Variants in MORC1 observed in about 807,000 individuals in gnomAD.
MORC1 encodes MORC family CW-type zinc finger 1.
In MORC1, 59 loss-of-function variants were observed where a neutral mutation model predicts 134.9. The ratio of observed to expected loss-of-function variants is 0.44; its 90% CI spans 0.35 to 0.54. The LOEUF (loss-of-function observed/expected upper bound fraction) is 0.54, where lower values mean the gene tolerates loss of function less well. Among genes scored for constraint, MORC1 ranks in the 20% least tolerant of loss-of-function variants. The pLI is 0.00. For synonymous variants in MORC1, 395 were observed against 391.7 expected (o/e 1.01, Z -0.10); for missense variants, 947 against 1,134.5 (o/e 0.83, Z 2.37).
chr3:109,021,812 T>G (rs1293007202), intron 17 of MORC1, among the ~76,000 whole-genome samples: 1 of 152,218 alleles, frequency 6.6e-6, no homozygotes, highest in Non-Finnish European at 1.5e-5. Context: ...GGAGAAGCAG[T>G]GCAAGTTAAG....
chr3:109,054,822 A>C lies in MORC1; in HGVS notation c.1236T>G (p.His412Gln). ...GGACATTGAGAAATTCCTGTTTATT[A>C]TGGGATGGTTCCATGACCTCCAAGG... ...NIPLEVMEPS[H>Q]NKQEFLNVQE... The change falls in exon 14 of 28, where the codon CAT (histidine) becomes CAG (glutamine). Residue 412 changes from histidine to glutamine, a missense_variant. His to Gln is a conservative substitution (Grantham distance 24). Coordinates refer to ENST00000232603, the MANE Select transcript of MORC1 (RefSeq NM_014429.4). The C allele has an allele frequency of 6.2e-7, 1 of 1,608,040 alleles. No homozygotes were observed. The highest frequency in any genetic ancestry group is 1.7e-5 in the Admixed American group (1 of 57,640).
At chr3:108,998,759 G>C (rs763150943) in intron 21 of MORC1, among the ~76,000 whole-genome samples, 3 of 152,080 alleles carry the variant, frequency 2.0e-5, no homozygotes, top group African/African-American at 7.2e-5. Context: ...TGGATAATAC[G>C]TGTTTATCCA....
Position 109,035,361 on chromosome 3 carries a change from T to C in MORC1, c.1438A>G (p.Ile480Val), listed in dbSNP as rs780307060. 6.3e-6 allele frequency: 10 copies of C among 1,590,406 alleles called. No homozygotes were observed. The Admixed American group carries it at 7.0e-5, about 11-fold the overall frequency. ...FQYQRRQAMG[I>V]PFIIQCDLCL... ...TCACCACATTGTATGATGAATGGGA[T>C]ACCCATGGCTTGTCTTCTTTGATAT... Residue 480 changes from isoleucine to valine, a missense_variant, in exon 15 of 28, where the codon ATC becomes GTC. Ile to Val is a conservative substitution (Grantham distance 29). Around this residue, in one of 3 missense-constraint regions of MORC1, gnomAD observed 722 missense variants for 817.0 expected, o/e 0.88. Coordinates refer to ENST00000232603, the MANE Select transcript of MORC1 (RefSeq NM_014429.4).
intron 9 of MORC1, among the ~76,000 whole-genome samples, chr3:109,067,581 C>T (rs1950226218): frequency 6.6e-6 from 1 of 152,052 alleles, no homozygotes; most frequent in African/African-American, 2.4e-5. Flanking sequence ...TATTTTTTAC[C>T]CAAACTCACG....
chr3:108,963,374 G>C (rs1372973964), intron 27 of MORC1, 40 bp downstream of exon 27: 1 of 1,525,244 alleles, frequency 6.6e-7, no homozygotes, highest in East Asian at 2.3e-5. Context: ...TCGTTCCATA[G>C]AGTCTACTCC....
intron 8 of MORC1, among the ~76,000 whole-genome samples, chr3:109,079,983 G>A (rs1455939779): frequency 1.3e-5 from 2 of 152,166 alleles, no homozygotes; most frequent in Non-Finnish European, 2.9e-5. Flanking sequence ...GTCAGGTAGT[G>A]TCCTAAGCAC....
intron 8 of MORC1, among the ~76,000 whole-genome samples, chr3:109,072,601 AG>A: frequency 6.6e-6 from 1 of 152,238 alleles, no homozygotes; most frequent in Non-Finnish European, 1.5e-5. Flanking sequence ...TAAACAACAG[AG>A]GTTCCTTATG....
At chr3:109,071,345 A>G (rs545045177) in intron 8 of MORC1, among the ~76,000 whole-genome samples, 1 of 152,326 alleles carries the variant, frequency 6.6e-6, no homozygotes, top group South Asian at 2.1e-4. Flanking sequence ...ATATGTGTGT[A>G]TATATATACA....
intron 25 of MORC1, 134 bp from the exon 26 acceptor site, chr3:108,969,856 C>A: frequency 1.4e-6 from 1 of 697,358 alleles, no homozygotes; most frequent in Non-Finnish European, 2.4e-6. Flanking sequence ...GTACTATGGG[C>A]CTTTTAAGTC....
chr3:109,024,311 C>T (rs763744116), intron 17 of MORC1, among the ~76,000 whole-genome samples: 4 of 152,120 alleles, frequency 2.6e-5, no homozygotes, highest in Admixed American at 6.6e-5. Context: ...TTATTTTTAA[C>T]TTTTTTGGAT....
intron 8 of MORC1, among the ~76,000 whole-genome samples, chr3:109,082,753 G>A (rs1285761116): frequency 6.6e-6 from 1 of 151,924 alleles, no homozygotes; most frequent in Non-Finnish European, 1.5e-5. Context: ...AAAAAAAAAT[G>A]AAAGAAACAA....
intron 17 of MORC1, among the ~76,000 whole-genome samples, chr3:109,022,238 T>C (rs1170023144): frequency 1.3e-5 from 2 of 152,190 alleles, no homozygotes; most frequent in African/African-American, 4.8e-5. Context: ...TCTGTCACTA[T>C]AGTTATAGAG....
chr3:109,002,263 A>G (rs1479432384), intron 20 of MORC1, among the ~76,000 whole-genome samples: 1 of 152,204 alleles, frequency 6.6e-6, no homozygotes, highest in African/African-American at 2.4e-5. Context: ...AGAAAACACA[A>G]CGCAGTCAGG....
In MORC1 at chr3:109,035,326, A is replaced by G. The variant is rs1234865476; in HGVS notation, c.1459+14T>C. On this transcript the variant is annotated intron_variant, in intron 15 of 27. Coordinates refer to ENST00000232603, the MANE Select transcript of MORC1 (RefSeq NM_014429.4). The stretch of plus-strand genomic sequence containing the variant: ...CCTTAACATTTGGTAATTATAATGG[A>G]CTTCAACACTCACCACATTGTATGA... 2 of 1,574,220 alleles carry G rather than the reference A, an allele frequency of 1.3e-6. No homozygotes were observed. The highest frequency in any genetic ancestry group is 2.7e-5 in the African/African-American group (2 of 72,756).
intron 8 of MORC1, among the ~76,000 whole-genome samples, chr3:109,071,388 A>G (rs1335695936): frequency 6.6e-6 from 1 of 152,128 alleles, no homozygotes; most frequent in Non-Finnish European, 1.5e-5. Context: ...TTAATAGCTC[A>G]ATTTATTCAC....
chr3:108,967,513 A>T (rs187670788), intron 26 of MORC1, among the ~76,000 whole-genome samples: 10 of 152,066 alleles, frequency 6.6e-5, no homozygotes, highest in Admixed American at 5.9e-4. Context: ...TACCACACAT[A>T]CCCCACAGAA....
chr3:109,049,608 A>G (rs1949774170), intron 14 of MORC1, among the ~76,000 whole-genome samples: 1 of 152,236 alleles, frequency 6.6e-6, no homozygotes, highest in Non-Finnish European at 1.5e-5. Context: ...TACGAGGGAT[A>G]AATGTATGAT....
intron 14 of MORC1, among the ~76,000 whole-genome samples, chr3:109,037,474 G>A (rs1292801049): frequency 6.6e-6 from 1 of 152,148 alleles, no homozygotes; most frequent in East Asian, 1.9e-4. Flanking sequence ...TAAGTTCTAG[G>A]GTACATGTGC....
intron 14 of MORC1, among the ~76,000 whole-genome samples, chr3:109,040,353 T>TGAAAGAATGAAAGAAAGAAAGAAA (rs1553753592): frequency 1.8e-4 from 5 of 28,226 alleles, no homozygotes; most frequent in African/African-American, 4.4e-4. Flanking sequence ...CTCAAAGAAC[T>TGAAAGAATGAAAGAAAGAAAGAAA]GAAAGAAAGA....
Sources: allele counts gnomAD v4.1 joint callset (sites outside exome capture counted in the v4.1 genomes callset), GRCh38; gene constraint gnomAD v4.1.1; regional missense constraint gnomAD v4.1.1; transcripts MANE v1.5; gene names NCBI Gene and HGNC (gene_info 2026-07-23, HGNC 2026-07-21).